Variants in MARCHF1 observed in about 807,000 individuals in gnomAD.
The protein encoded by MARCHF1 is membrane associated ring-CH-type finger 1, also known as E3 ubiquitin-protein ligase MARCHF1.
A neutral mutation model predicts 54.2 loss-of-function variants in MARCHF1; 40 were observed. The ratio of observed to expected loss-of-function variants is 0.74; its 90% confidence interval spans 0.57 to 0.96. The LOEUF (loss-of-function observed/expected upper bound fraction) is 0.96. Ranked by LOEUF, MARCHF1 falls within the 40% of genes least tolerant of loss-of-function variation. The probability of loss-of-function intolerance (pLI) is 0.00; values close to 1 mark genes in which losing one functional copy is unlikely to be tolerated. For missense variants in MARCHF1, 586 were observed against 656.5 expected, an observed-to-expected ratio of 0.89 and a Z score of 1.17; for synonymous variants, 236 against 236.3, an observed-to-expected ratio of 1.00 and a Z score of 0.01.
At chr4:163,677,027 A>G (rs1276523662) in intron 5 of MARCHF1, among the ~76,000 whole-genome samples, 2 of 152,164 alleles carry the variant, frequency 1.3e-5, no homozygotes, top group African/African-American at 4.8e-5. Flanking sequence ...AAAAGAAAAA[A>G]TAGAAAAAGA....
chr4:164,107,912 C>T (rs1477278216), intron 2 of MARCHF1, among the ~76,000 whole-genome samples: 16 of 152,088 alleles, frequency 1.1e-4, no homozygotes, highest in Admixed American at 1.0e-3. Context: ...AAATCTCACT[C>T]CATGAATCAT....
Position 164,051,825 on chromosome 4 carries a change from T to C in MARCHF1, c.-248+59763A>G, listed in dbSNP as rs369974938. ...GTCTTTAGAGTTAGCACAGAATAGA[T>C]AGAGATTTAACCGGATTCCTTTAAA... On this transcript the variant is annotated intron_variant, in intron 2 of 9. Transcript: ENST00000514618. Among the ~76,000 whole-genome samples, 6 of 152,152 alleles carry C rather than the reference T, an allele frequency of 3.9e-5. No individual in the cohort carries two copies. The East Asian group carries it at 7.7e-4, about 20-fold the overall frequency.
intron 1 of MARCHF1, among the ~76,000 whole-genome samples, chr4:164,235,917 G>T (rs962412922): frequency 2.6e-5 from 4 of 152,018 alleles, no homozygotes; most frequent in African/African-American, 7.2e-5. Flanking sequence ...AACCATGCAA[G>T]TTCTTTTGGC....
intron 1 of MARCHF1, among the ~76,000 whole-genome samples, chr4:164,240,133 G>C (rs1161489847): frequency 1.3e-5 from 2 of 152,246 alleles, no homozygotes; most frequent in East Asian, 3.9e-4. Context: ...TAAGAACCAG[G>C]AGACCTGGAT....
intron 4 of MARCHF1, among the ~76,000 whole-genome samples, chr4:163,848,732 T>C (rs1252439851): frequency 6.6e-6 from 1 of 152,166 alleles, no homozygotes; most frequent in Non-Finnish European, 1.5e-5. Flanking sequence ...AGGTTACAAT[T>C]GTGAGGATAT....
chr4:164,286,232 T>G (rs1197942126), intron 1 of MARCHF1, among the ~76,000 whole-genome samples: 1 of 152,146 alleles, frequency 6.6e-6, no homozygotes, highest in Non-Finnish European at 1.5e-5. Flanking sequence ...CTGGCAACCT[T>G]ACACAGGAGA....
At chr4:164,077,125 A>T (rs1398286361) in intron 2 of MARCHF1, among the ~76,000 whole-genome samples, 1 of 152,202 alleles carries the variant, frequency 6.6e-6, no homozygotes, top group Non-Finnish European at 1.5e-5. Context: ...CTTGACTTCA[A>T]ACTATACTAC....
At chr4:164,202,857 G>A (rs568056329) in intron 1 of MARCHF1, among the ~76,000 whole-genome samples, 3 of 152,286 alleles carry the variant, frequency 2.0e-5, no homozygotes, top group South Asian at 2.1e-4. Context: ...CCTGTAGTGG[G>A]ACAATATTTT....
At chr4:163,794,653 C>A (rs72685620) in intron 4 of MARCHF1, among the ~76,000 whole-genome samples, 5,848 of 152,174 alleles carry the variant, frequency 0.038, 164 homozygotes, top group South Asian at 0.074. Flanking sequence ...TCTGCATTAA[C>A]CATGTATTAC....
rs917493200 is a variant in MARCHF1, at chr4:163,525,271, T to A, written c.*3477A>T. The stretch of plus-strand genomic sequence containing the variant: ...GCTAATTTTCCTGCCAAAGAATAGA[T>A]GTTTTAAAGAGTACCCAAGGACCTT... On this transcript the variant is annotated 3_prime_UTR_variant, in exon 10 of 10. Transcript: ENST00000514618. The A allele has an allele frequency of 6.6e-6, 1 of 152,136 alleles. No homozygotes were observed. The highest frequency in any genetic ancestry group is 2.4e-5 in the African/African-American group (1 of 41,456). 9.4% of individuals were successfully genotyped at this position (152,136 alleles called of 1,614,324 possible).
intron 8 of MARCHF1, among the ~76,000 whole-genome samples, chr4:163,568,423 T>G (rs1382535424): frequency 6.6e-6 from 1 of 152,124 alleles, no homozygotes; most frequent in Non-Finnish European, 1.5e-5. Context: ...GATAAGTGCC[T>G]TTGATTCAGA....
intron 4 of MARCHF1, among the ~76,000 whole-genome samples, chr4:163,743,601 CAG>C (rs1746272502): frequency 8.6e-6 from 1 of 116,244 alleles, no homozygotes; most frequent in Middle Eastern, 7.5e-3. Context: ...TTTTTTGAGA[CAG>C]AGTCTTGCTC....
intron 4 of MARCHF1, among the ~76,000 whole-genome samples, chr4:163,815,371 G>C (rs1206545619): frequency 6.6e-6 from 1 of 152,168 alleles, no homozygotes; most frequent in Non-Finnish European, 1.5e-5. Context: ...TTTTCTGGTT[G>C]ATAAAGAAAG....
intron 1 of MARCHF1, among the ~76,000 whole-genome samples, chr4:164,381,728 T>C (rs1731376282): frequency 6.6e-6 from 1 of 152,174 alleles, no homozygotes; most frequent in South Asian, 2.1e-4. Flanking sequence ...CGTTCATAAG[T>C]CTATTTCAAA....
intron 1 of MARCHF1, among the ~76,000 whole-genome samples, chr4:164,382,276 C>A (rs1335197030): frequency 6.6e-6 from 1 of 152,116 alleles, no homozygotes; most frequent in Non-Finnish European, 1.5e-5. Flanking sequence ...TTATTTCAAT[C>A]CTGTTTCAGA....
intron 1 of MARCHF1, among the ~76,000 whole-genome samples, chr4:164,210,868 CT>C (rs1377671436): frequency 6.6e-6 from 1 of 152,118 alleles, no homozygotes; most frequent in Non-Finnish European, 1.5e-5. Flanking sequence ...GAAAACTATT[CT>C]GCCTTTATAA....
At chr4:164,057,260 A>T (rs936408385) in intron 2 of MARCHF1, among the ~76,000 whole-genome samples, 1 of 152,200 alleles carries the variant, frequency 6.6e-6, no homozygotes, top group Non-Finnish European at 1.5e-5. Flanking sequence ...GATTATTACC[A>T]TATTCATTTC....
chr4:163,543,858 T>A (rs1319775879), intron 9 of MARCHF1, among the ~76,000 whole-genome samples: 1 of 152,166 alleles, frequency 6.6e-6, no homozygotes, highest in Admixed American at 6.5e-5. Flanking sequence ...TCTTTCCTTC[T>A]CATGTAGCTG....
At chr4:163,751,931 C>A (rs1340021651) in intron 4 of MARCHF1, among the ~76,000 whole-genome samples, 2 of 149,996 alleles carry the variant, frequency 1.3e-5, no homozygotes, top group Admixed American at 1.3e-4. Flanking sequence ...GGAGGACTTG[C>A]CTTACTGGAT....
Sources: gnomAD v4.1 joint callset for allele counts (sites outside exome capture counted in the v4.1 genomes callset) on GRCh38, gnomAD v4.1.1 for gene constraint, MANE v1.5 for transcripts, NCBI Gene and HGNC (gene_info 2026-07-23, HGNC 2026-07-21) for gene names.